The following MACC1 variants were observed in gnomAD, a reference collection of about 807,000 sequenced individuals.
The protein encoded by MACC1 is MET transcriptional regulator MACC1.
A neutral mutation model predicts 70.7 loss-of-function variants in MACC1; 79 were observed. The ratio of observed to expected loss-of-function variants is 1.12; its 90% CI spans 0.93 to 1.35. The LOEUF (loss-of-function observed/expected upper bound fraction) is 1.35. Ranked by LOEUF, MACC1 falls within the 40% of genes most tolerant of loss-of-function variation. MACC1 has a pLI of 0.00. For missense variants in MACC1, 1,106 were observed against 978.1 expected (o/e 1.13, Z -1.74); for synonymous variants, 361 against 347.2 (o/e 1.04, Z -0.44).
intron 6 of MACC1, among the ~76,000 whole-genome samples, chr7:20,145,539 A>G (rs1781877190): frequency 6.6e-6 from 1 of 152,080 alleles, no homozygotes; most frequent in Non-Finnish European, 1.5e-5. Context: ...AGGTATTTTA[A>G]AAAGAAAAAA....
intron 1 of MACC1, among the ~76,000 whole-genome samples, chr7:20,180,299 C>T (rs1340895311): frequency 1.3e-5 from 2 of 151,448 alleles, no homozygotes; most frequent in South Asian, 2.1e-4. Context: ...AAAAATTAGC[C>T]GGGCGTGGTG....
Position 20,139,880 on chromosome 7 carries a change from GCCAA to G in MACC1, c.*1062_*1065del, listed in dbSNP as rs1781772165. On this transcript the variant is annotated 3_prime_UTR_variant, in exon 7 of 7. Coordinates refer to ENST00000400331, the MANE Select transcript of MACC1 (RefSeq NM_182762.4). The stretch of plus-strand genomic sequence containing the variant: ...CACACACATGTGTTTGCATGAGCAT[GCCAA>G]CATAAAGATATCAGTGTTTTCGGTG... The G allele has an allele frequency of 6.6e-6, 1 of 151,256 alleles. No homozygotes were observed. Among genetic ancestry groups the G allele is most frequent in the African/African-American group, 2.4e-5 (1 of 41,078 alleles). 9.4% of individuals were successfully genotyped at this position (151,256 alleles called of 1,614,324 possible).
At chr7:20,162,713 C>T (rs1782156564) in intron 3 of MACC1, among the ~76,000 whole-genome samples, 1 of 152,052 alleles carries the variant, frequency 6.6e-6, no homozygotes, top group Non-Finnish European at 1.5e-5. Flanking sequence ...AGTGATGTTG[C>T]CATTTGTTGT....
chr7:20,180,520 G>A (rs1273562907), intron 1 of MACC1, among the ~76,000 whole-genome samples: 1 of 151,764 alleles, frequency 6.6e-6, no homozygotes, highest in East Asian at 1.9e-4. Flanking sequence ...TAGAAATATT[G>A]TACATAAAAC....
chr7:20,195,998 G>C (rs185995243), intron 1 of MACC1, among the ~76,000 whole-genome samples: 1 of 151,970 alleles, frequency 6.6e-6, no homozygotes, highest in South Asian at 2.1e-4. Context: ...AAACTGCAAA[G>C]GGATGGGGTG....
intron 1 of MACC1, among the ~76,000 whole-genome samples, chr7:20,195,006 C>T (rs1015315828): frequency 6.6e-6 from 1 of 152,162 alleles, no homozygotes; most frequent in East Asian, 1.9e-4. Context: ...TTATGTCACA[C>T]ATTTTCCTTC....
At position 20,138,663 on chromosome 7, in the gene MACC1, C is replaced by T. The variant is rs1781752564; in HGVS notation, c.*2283G>A. ...GTTCCCTTATAATCAAATATAAATA[C>T]TGAAAGCCGTACAGATTATTCCTTT... On this transcript the variant is annotated 3_prime_UTR_variant, in exon 7 of 7. Transcript: ENST00000400331. 6.6e-6 allele frequency: 1 copy of T among 151,456 alleles called. No individual in the cohort carries two copies. Among genetic ancestry groups the T allele is most frequent in the East Asian group, 1.9e-4 (1 of 5,174 alleles). 9.4% of individuals were successfully genotyped at this position (151,456 alleles called of 1,614,324 possible). A position where few individuals can be genotyped will look rare whatever the true frequency, so the allele number is the denominator to read the frequency against.
intron 2 of MACC1, among the ~76,000 whole-genome samples, chr7:20,168,508 C>T (rs187851421): frequency 6.6e-6 from 1 of 152,274 alleles, no homozygotes; most frequent in East Asian, 1.9e-4. Flanking sequence ...AACAGCAGCA[C>T]CAGCAATACC....
chr7:20,151,137 T>C (rs2128101415), intron 6 of MACC1, among the ~76,000 whole-genome samples: 1 of 151,682 alleles, frequency 6.6e-6, no homozygotes, highest in Admixed American at 6.6e-5. Flanking sequence ...AAAAATGGCA[T>C]AATCTATATT....
At chr7:20,196,211 C>A (rs1442184910) in intron 1 of MACC1, among the ~76,000 whole-genome samples, 1 of 151,884 alleles carries the variant, frequency 6.6e-6, no homozygotes, top group Non-Finnish European at 1.5e-5. Flanking sequence ...GAGATGGATT[C>A]TCGCTGTCTC....
Position 20,161,859 on chromosome 7 carries a change from G to A in MACC1, c.4C>T (p.Leu2=), listed in dbSNP as rs553622073. ...CGAAAATGTTTTCTTTCAGTGATTA[G>A]CATTTTTCCACCTACAAAGTAAATA... M[L]ITERKHFRSG... The change falls in exon 4 of 7, where the codon CTA becomes TTA. Residue 2 remains leucine, a synonymous_variant. Coordinates refer to ENST00000400331, the MANE Select transcript of MACC1 (RefSeq NM_182762.4). 10 of 1,599,450 alleles carry A rather than the reference G, an allele frequency of 6.3e-6. No individual in the cohort carries two copies. In the South Asian group the frequency reaches 9.9e-5, roughly 16 times the overall value.
chr7:20,171,105 C>T lies in MACC1; in HGVS notation c.-217-327G>A, dbSNP rs548764157. ...AAATACTAATGCGCATACATGTGTGCATATATCTATTCAGAAATATAGACA... is the reference window on the plus strand; with the variant it reads ...AAATACTAATGCGCATACATGTGTGTATATATCTATTCAGAAATATAGACA... On this transcript the variant is annotated intron_variant, in intron 1 of 6. Coordinates refer to ENST00000400331, the MANE Select transcript of MACC1 (RefSeq NM_182762.4). Among the ~76,000 whole-genome samples the T allele has an allele frequency of 2.0e-5, 3 of 152,136 alleles. 1 individual carries two copies. The South Asian group carries it at 6.2e-4, about 32-fold the overall frequency.
At chr7:20,206,340 G>C (rs1782910520) in intron 1 of MACC1, among the ~76,000 whole-genome samples, 1 of 152,036 alleles carries the variant, frequency 6.6e-6, no homozygotes, top group Non-Finnish European at 1.5e-5. Flanking sequence ...AAGACTTCCA[G>C]TGACGTTCAA....
chr7:20,147,631 G>A (rs1009655911), intron 6 of MACC1: 1 of 152,182 alleles, frequency 6.6e-6, no homozygotes, highest in African/African-American at 2.4e-5. Context: ...CAGAAGAGAA[G>A]GGAGGCTAAC....
At chr7:20,212,194 G>C (rs993827412) in intron 1 of MACC1, among the ~76,000 whole-genome samples, 10 of 152,172 alleles carry the variant, frequency 6.6e-5, no homozygotes, top group African/African-American at 1.9e-4. Context: ...TGGGAGGTGA[G>C]TACATAAGTC....
intron 6 of MACC1, among the ~76,000 whole-genome samples, chr7:20,145,039 C>T (rs1030418865): frequency 2.0e-5 from 3 of 152,132 alleles, no homozygotes; most frequent in Non-Finnish European, 4.4e-5. Context: ...GGATATCCTC[C>T]CAACTCCATG....
intron 1 of MACC1, among the ~76,000 whole-genome samples, chr7:20,200,236 CTAGATTTAAAAGATTAG>C (rs1782813741): frequency 7.0e-6 from 1 of 141,912 alleles, no homozygotes; most frequent in African/African-American, 2.6e-5. Context: ...TACTAGATTA[CTAGATTTAAAAGATTAG>C]TAGATTTAAA....
rs188886095 is a variant in MACC1 at position 20,159,240 on chromosome 7, A to G, written c.1121T>C (p.Ile374Thr). Reference protein sequence around the residue: ...DYIHKTTSIGIYGPKYIHPSF... With the variant: ...DYIHKTTSIGTYGPKYIHPSF... ...GGGATGGATATATTTGGGTCCATAA[A>G]TTCCAATTGAGGTGGTTTTGTGGAT... Residue 374 changes from isoleucine (I) to threonine (T), a missense_variant, in exon 5 of 7, where the codon ATT becomes ACT. Coordinates refer to ENST00000400331, the MANE Select transcript of MACC1 (RefSeq NM_182762.4). 6.2e-6 allele frequency: 10 copies of G among 1,613,924 alleles called. No homozygotes were observed. In the East Asian group the frequency reaches 2.2e-4, roughly 36 times the overall value.
chr7:20,165,259 G>A (rs1012654749), intron 2 of MACC1, among the ~76,000 whole-genome samples: 1 of 152,154 alleles, frequency 6.6e-6, no homozygotes, highest in African/African-American at 2.4e-5. Context: ...TAATCCAGAA[G>A]GTCTGGGATT....
Sources: gnomAD v4.1 joint callset for allele counts (sites outside exome capture counted in the v4.1 genomes callset) on GRCh38, gnomAD v4.1.1 for gene constraint, MANE v1.5 for transcripts, NCBI Gene and HGNC (gene_info 2026-07-23, HGNC 2026-07-21) for gene names.